IQCJ: variants seen among roughly 807,000 people sequenced by gnomAD.
The protein encoded by IQCJ is IQ motif containing J.
IQCJ carries 9 observed loss-of-function variants against 11.0 expected under a neutral mutation model. The observed-to-expected ratio is 0.82, with a 90% confidence interval of 0.49 to 1.43. IQCJ has a LOEUF of 1.43. Among genes scored for constraint, IQCJ ranks in the 40% most tolerant of loss-of-function variants. The pLI is 0.00. For synonymous variants in IQCJ, 55 were observed against 51.3 expected, an observed-to-expected ratio of 1.07 and a Z score of -0.31; for missense variants, 146 against 133.2, an observed-to-expected ratio of 1.10 and a Z score of -0.47.
At chr3:159,262,205 T>G (rs553696545) in intron 3 of IQCJ, among the ~76,000 whole-genome samples, 4 of 152,366 alleles carry the variant, frequency 2.6e-5, no homozygotes, top group Admixed American at 6.5e-5. Flanking sequence ...AAATATAAGA[T>G]GAAAAATTGA....
chr3:159,086,607 T>C (rs889736465), intron 1 of IQCJ, among the ~76,000 whole-genome samples: 5 of 152,022 alleles, frequency 3.3e-5, no homozygotes, highest in African/African-American at 1.2e-4. Flanking sequence ...CAGTGGTTTG[T>C]AGTTCTCCTT....
chr3:159,092,699 A>AACAC (rs57083405), intron 1 of IQCJ, among the ~76,000 whole-genome samples: 12,673 of 141,608 alleles, frequency 0.089, 672 homozygotes, highest in African/African-American at 0.11. Flanking sequence ...CTCCATCACA[A>AACAC]ACACACACAC....
Position 159,121,488 on chromosome 3 carries a change from A to G in IQCJ, c.9+52047A>G, listed in dbSNP as rs60741526. 8.1e-3 allele frequency among the ~76,000 whole-genome samples: 1,227 copies of G among 152,310 alleles called. 16 individuals are homozygous for G. Among genetic ancestry groups the G allele is most frequent in the African/African-American group, 0.028 (1,182 of 41,566 alleles). On this transcript the variant is annotated intron_variant, in intron 1 of 3. Transcript: ENST00000397832. ...AGCAGAGGGAAAGAAGGGGGAAATT[A>G]CAGTCTGCAGCCATTTGATAATTCA... is the stretch of plus-strand genomic sequence containing the variant.
chr3:159,151,285 C>A (rs1721200314), intron 1 of IQCJ, among the ~76,000 whole-genome samples: 1 of 152,230 alleles, frequency 6.6e-6, no homozygotes, highest in Non-Finnish European at 1.5e-5. Context: ...CTTGTGTGTT[C>A]CCTCCCTGAA....
chr3:159,142,113 C>T (rs536336274), intron 1 of IQCJ, among the ~76,000 whole-genome samples: 117 of 152,308 alleles, frequency 7.7e-4, no homozygotes, highest in Middle Eastern at 3.4e-3. Flanking sequence ...TGTTCTGTTT[C>T]CTCCATTTGA....
chr3:159,084,924 A>G lies in IQCJ; in HGVS notation c.9+15483A>G, dbSNP rs188091466. Reference sequence around the variant, plus strand: ...GGAATGCATAAGTTCTTTTTTTTTTATTATTATTATACTTTAAGTTTTAGG... The same window carrying G: ...GGAATGCATAAGTTCTTTTTTTTTTGTTATTATTATACTTTAAGTTTTAGG... On this transcript the variant is annotated intron_variant, in intron 1 of 3. Transcript: ENST00000397832. Among the ~76,000 whole-genome samples the G allele has an allele frequency of 7.5e-3, 739 of 98,312 alleles. 12 individuals are homozygous for G. The highest frequency in any genetic ancestry group is 0.025 in the African/African-American group (706 of 27,744). The allele number at this position is 98,312 out of a possible 152,430, so 64.5% of individuals were successfully genotyped here.
chr3:159,189,624 T>C (rs776993856), intron 1 of IQCJ, among the ~76,000 whole-genome samples: 11 of 152,208 alleles, frequency 7.2e-5, no homozygotes, highest in Non-Finnish European at 1.3e-4. Context: ...GTGGCTGATA[T>C]ACTCCCACCC....
In IQCJ at chr3:159,155,438, G is replaced by A. The variant is rs553594979; in HGVS notation, c.9+85997G>A. Reference sequence around the variant, plus strand: ...CTCCCAAAATGTTGGGATTACAGGCGTGAGCCACCATGCCTGGCCTCAGTC... The same window carrying A: ...CTCCCAAAATGTTGGGATTACAGGCATGAGCCACCATGCCTGGCCTCAGTC... On this transcript the variant is annotated intron_variant, in intron 1 of 3. Transcript: ENST00000397832. 3.0e-4 allele frequency among the ~76,000 whole-genome samples: 46 copies of A among 152,308 alleles called. No homozygotes were observed. In the South Asian group the frequency reaches 9.3e-3, roughly 31 times the overall value.
intron 1 of IQCJ, among the ~76,000 whole-genome samples, chr3:159,166,071 T>C (rs1202833368): frequency 6.6e-6 from 1 of 152,064 alleles, no homozygotes; most frequent in African/African-American, 2.4e-5. Flanking sequence ...TTGATGTTTT[T>C]CTCCAGCAGG....
At chr3:159,103,941 G>A (rs1718085433) in intron 1 of IQCJ, among the ~76,000 whole-genome samples, 1 of 152,222 alleles carries the variant, frequency 6.6e-6, no homozygotes, top group Admixed American at 6.5e-5. Flanking sequence ...CACCTATGTG[G>A]ATTTCTTTGC....
At chr3:159,071,708 T>C (rs1715574431) in intron 1 of IQCJ, among the ~76,000 whole-genome samples, 1 of 152,058 alleles carries the variant, frequency 6.6e-6, no homozygotes, top group Non-Finnish European at 1.5e-5. Flanking sequence ...GTGAATATCA[T>C]ATGTACTAAA....
At chr3:159,073,130 A>T (rs1358576903) in intron 1 of IQCJ, among the ~76,000 whole-genome samples, 1 of 152,136 alleles carries the variant, frequency 6.6e-6, no homozygotes, top group East Asian at 1.9e-4. Flanking sequence ...AAGATTGCCC[A>T]TTAAAGGAGT....
chr3:159,165,339 T>C (rs1270965814), intron 1 of IQCJ, among the ~76,000 whole-genome samples: 1 of 152,162 alleles, frequency 6.6e-6, no homozygotes, highest in East Asian at 1.9e-4. Context: ...GCACATCATG[T>C]TAACAGGGTC....
At chr3:159,197,763 G>A (rs1199567647) in intron 1 of IQCJ, among the ~76,000 whole-genome samples, 2 of 152,058 alleles carry the variant, frequency 1.3e-5, no homozygotes, top group East Asian at 1.9e-4. Flanking sequence ...TGCAAAGGGA[G>A]CAGCTACTCT....
intron 1 of IQCJ, among the ~76,000 whole-genome samples, chr3:159,196,794 A>G (rs1233570332): frequency 6.6e-6 from 1 of 152,200 alleles, no homozygotes; most frequent in Admixed American, 6.5e-5. Context: ...ACCCAATGTC[A>G]CAGAGCTAGG....
Position 159,173,390 on chromosome 3 carries a change from A to G in IQCJ, c.10-72453A>G, listed in dbSNP as rs28560227. On this transcript the variant is annotated intron_variant, in intron 1 of 3. Transcript: ENST00000397832. ...GTGTTTTCTGTATTTTGGAGGGTAT[A>G]TTTTCTATTATTATTTTTAGTAGAA... is the stretch of plus-strand genomic sequence containing the variant. 5.0e-3 allele frequency among the ~76,000 whole-genome samples: 766 copies of G among 152,230 alleles called. 6 individuals are homozygous for G. The highest frequency in any genetic ancestry group is 0.017 in the African/African-American group (724 of 41,540).
chr3:159,173,810 A>G (rs1389338734), intron 1 of IQCJ, among the ~76,000 whole-genome samples: 2 of 152,162 alleles, frequency 1.3e-5, no homozygotes. Flanking sequence ...GTATGAAAGC[A>G]TATTACATTT....
rs57088198 is a variant in IQCJ at position 159,228,054 on chromosome 3, T to C, written c.10-17789T>C. ...TCTGAATAGTAGAGATTCCATTCCA[T>C]GTTCTGTTCCAGTAATTTCTTACTC... On this transcript the variant is annotated intron_variant, in intron 1 of 3. Coordinates refer to ENST00000397832, the MANE Select transcript of IQCJ (RefSeq NM_001042706.3). Among the ~76,000 whole-genome samples the C allele has an allele frequency of 2.8e-3, 432 of 152,360 alleles. 5 individuals carry two copies. Among genetic ancestry groups the C allele is most frequent in the African/African-American group, 9.9e-3 (412 of 41,592 alleles).
At chr3:159,131,924 C>A (rs1720013524) in intron 1 of IQCJ, among the ~76,000 whole-genome samples, 1 of 150,570 alleles carries the variant, frequency 6.6e-6, no homozygotes, top group Non-Finnish European at 1.5e-5. Context: ...TGGCTTACAT[C>A]AAATCCACTC....
Sources: allele counts gnomAD v4.1 joint callset (sites outside exome capture counted in the v4.1 genomes callset), GRCh38; gene constraint gnomAD v4.1.1; transcripts MANE v1.5; gene names NCBI Gene and HGNC (gene_info 2026-07-23, HGNC 2026-07-21).